The following RANGAP1 variants were observed in gnomAD, a reference collection of about 807,000 sequenced individuals.
RANGAP1 encodes Ran GTPase activating protein 1.
In RANGAP1, 38 loss-of-function variants were observed where a neutral mutation model predicts 63.5. The observed-to-expected ratio is 0.60, with a 90% CI of 0.46 to 0.78. RANGAP1 has a LOEUF of 0.78. Ranked by LOEUF, RANGAP1 falls within the 30% of genes least tolerant of loss-of-function variation. The probability of loss-of-function intolerance (pLI) is 0.00; values close to 1 mark genes in which losing one functional copy is unlikely to be tolerated. For synonymous variants in RANGAP1, 329 were observed against 310.5 expected (o/e 1.06, Z -0.63); for missense variants, 630 against 740.3 (o/e 0.85, Z 1.73).
rs925084084 is a variant in RANGAP1 at position 41,256,979 on chromosome 22, C to T, written c.775-155G>A. ...GCTTTGCCGTCTTCTACTTGTTGGC[C>T]TCTGGGCCCCTGGCCAAACCTCCTC... On this transcript the variant is annotated intron_variant, in intron 7 of 15. Transcript: ENST00000356244. Among the ~76,000 whole-genome samples the T allele has an allele frequency of 1.1e-4, 17 of 151,852 alleles. 2 individuals carry two copies. Among genetic ancestry groups the T allele is most frequent in the Admixed American group, 9.8e-4 (15 of 15,244 alleles).
chr22:41,254,416 C>A lies in RANGAP1; in HGVS notation c.1152G>T (p.Glu384Asp), dbSNP rs762632107. 1.2e-6 allele frequency: 2 copies of A among 1,607,834 alleles called. No homozygotes were observed. The highest frequency in any genetic ancestry group is 2.7e-5 in the African/African-American group (2 of 74,762). Residue 384 changes from glutamate (E) to aspartate (D), a missense_variant, in exon 11 of 16, where the codon GAG (glutamate) becomes GAT (aspartate). Physicochemically the swap from Glu to Asp is conservative, Grantham distance 45 (BLOSUM62 2). Around this residue, in one of 3 missense-constraint regions of RANGAP1, gnomAD observed 428 missense variants for 465.5 expected, o/e 0.92. Coordinates refer to ENST00000356244, the MANE Select transcript of RANGAP1 (RefSeq NM_002883.4). ...EEAEEEEEED[E>D]EEEEEEEEEE... ...CCTCCTCCTCTTCTTCCTCCTCTTC[C>A]TCATCTTCCTCCTCCTCTTCTTCTG...
chr22:41,286,473 G>A (rs1207406844), upstream of RANGAP1, among the ~76,000 whole-genome samples: 1 of 152,232 alleles, frequency 6.6e-6, no homozygotes, highest in Admixed American at 6.5e-5. Flanking sequence ...GGAGCGCCCA[G>A]AGACTACAAT....
At chr22:41,297,613 G>C in the RANGAP1 span, among the ~76,000 whole-genome samples, 1 of 149,020 alleles carries the variant, frequency 6.7e-6, no homozygotes, top group Non-Finnish European at 1.5e-5. Context: ...TTGGCTCAAG[G>C]ATCCTCCGCT....
chr22:41,281,652 A>G lies in RANGAP1; in HGVS notation c.-38-570T>C, dbSNP rs192493436. On this transcript the variant is annotated intron_variant, in intron 1 of 15. Coordinates refer to ENST00000356244, the MANE Select transcript of RANGAP1 (RefSeq NM_002883.4). ...TGGCCGGGAGACTGGGCAGGCCACA[A>G]TGGCCCCTCAGGGGTTTCTAGATCA... 6.0e-5 allele frequency: 59 copies of G among 986,774 alleles called. 1 individual carries two copies. The highest frequency in any genetic ancestry group is 1.2e-4 in the Admixed American group (2 of 16,418). 61.1% of individuals were successfully genotyped at this position (986,774 alleles called of 1,614,324 possible).
At chr22:41,294,579 C>T in the RANGAP1 span, among the ~76,000 whole-genome samples, 1 of 146,288 alleles carries the variant, frequency 6.8e-6, no homozygotes, top group Non-Finnish European at 1.5e-5. Context: ...GCGTCTCTGC[C>T]CAGCCGCCAT....
upstream of RANGAP1, among the ~76,000 whole-genome samples, chr22:41,290,271 C>T (rs2035824639): frequency 6.7e-6 from 1 of 150,202 alleles, no homozygotes; most frequent in Non-Finnish European, 1.5e-5. Flanking sequence ...ACTCTGTCAC[C>T]CAGGCTGGAG....
intron 4 of RANGAP1, among the ~76,000 whole-genome samples, chr22:41,266,038 T>C (rs576556322): frequency 6.6e-6 from 1 of 152,120 alleles, no homozygotes; most frequent in African/African-American, 2.4e-5. Flanking sequence ...CCATCTCTAC[T>C]AAAAATACAA....
the RANGAP1 span, among the ~76,000 whole-genome samples, chr22:41,298,133 C>A: frequency 6.6e-6 from 1 of 151,802 alleles, no homozygotes. Context: ...GCTGGGATTA[C>A]AGGCATGAGC....
chr22:41,279,133 A>G (rs1664589889), intron 2 of RANGAP1, among the ~76,000 whole-genome samples: 1 of 151,794 alleles, frequency 6.6e-6, no homozygotes, highest in Non-Finnish European at 1.5e-5. Context: ...ACAGAGCGAG[A>G]CTCCGTCTCA....
At chr22:41,275,757 C>A (rs962308391) in intron 2 of RANGAP1, among the ~76,000 whole-genome samples, 1 of 149,776 alleles carries the variant, frequency 6.7e-6, no homozygotes, top group South Asian at 2.1e-4. Flanking sequence ...CTAGCCTGGG[C>A]GACACAGTGA....
At chr22:41,287,690 T>TA (rs1263180632), upstream of RANGAP1, among the ~76,000 whole-genome samples, 2 of 150,838 alleles carry the variant, frequency 1.3e-5, no homozygotes, top group Non-Finnish European at 3.0e-5. Flanking sequence ...AAAAAAAAGT[T>TA]AAACAGATCA....
In RANGAP1 at chr22:41,261,683, C is replaced by T. The variant is rs577786034; in HGVS notation, c.481-103G>A. 6.0e-5 allele frequency: 87 copies of T among 1,450,576 alleles called. No individual in the cohort carries two copies. The East Asian group carries it at 1.5e-3, about 25-fold the overall frequency. 89.9% of individuals were successfully genotyped at this position (1,450,576 alleles called of 1,614,324 possible). ...CTCTTCAACATCCCACGCCACCCAT[C>T]GGTGCAGGTCAGGGGACGCAGGACT... On this transcript the variant is annotated intron_variant, in intron 5 of 15. Transcript: ENST00000356244.
intron 11 of RANGAP1, among the ~76,000 whole-genome samples, chr22:41,253,205 G>A (rs554067815): frequency 5.3e-5 from 8 of 152,142 alleles, no homozygotes; most frequent in Non-Finnish European, 1.2e-4. Context: ...GGAGCCTTTG[G>A]GGTGAGGGGG....
chr22:41,251,864 G>A (rs890691488), intron 12 of RANGAP1, among the ~76,000 whole-genome samples: 1 of 152,162 alleles, frequency 6.6e-6, no homozygotes, highest in Non-Finnish European at 1.5e-5. Context: ...GATGAATGGT[G>A]CTACACCAAA....
upstream of RANGAP1, among the ~76,000 whole-genome samples, chr22:41,290,852 G>C (rs1443546238): frequency 1.3e-5 from 2 of 152,212 alleles, no homozygotes; most frequent in Non-Finnish European, 2.9e-5. Context: ...AAAAACAAAT[G>C]GCTAAAGTAT....
At chr22:41,298,640 C>T in the RANGAP1 span, among the ~76,000 whole-genome samples, 10 of 152,082 alleles carry the variant, frequency 6.6e-5, no homozygotes, top group African/African-American at 2.2e-4. Context: ...GCTGGGATTA[C>T]GGGCATTAGC....
the RANGAP1 span, among the ~76,000 whole-genome samples, chr22:41,300,428 T>TCACACACACACACACACACA: frequency 8.3e-5 from 3 of 36,278 alleles, no homozygotes; most frequent in East Asian, 5.8e-4. Flanking sequence ...TATTGGGAAC[T>TCACACACACACACACACACA]CACACACACA....
intron 4 of RANGAP1, 84 bp downstream of exon 4, chr22:41,268,013 A>G: frequency 7.2e-7 from 1 of 1,379,642 alleles, no homozygotes; most frequent in East Asian, 2.5e-5. Flanking sequence ...CTTAGGCTCC[A>G]GAAAGAATAA....
rs187364293 is a variant in RANGAP1, at chr22:41,248,452, G to A, written c.1694+878C>T. ...CTGGAGGCCAGCGGGGGCCGCTCAC[G>A]CTCCGCCAGCCCCGCCTCCCCACAT... On this transcript the variant is annotated intron_variant, in intron 15 of 15. Transcript: ENST00000356244. Among the ~76,000 whole-genome samples, 776 of 152,330 alleles carry A rather than the reference G, an allele frequency of 5.1e-3. 6 individuals are homozygous for A. The highest frequency in any genetic ancestry group is 8.3e-3 in the Non-Finnish European group (562 of 68,006).
Sources: gnomAD v4.1 joint callset for allele counts (sites outside exome capture counted in the v4.1 genomes callset) on GRCh38, gnomAD v4.1.1 for gene constraint, gnomAD v4.1.1 regional missense constraint, MANE v1.5 for transcripts, NCBI Gene and HGNC (gene_info 2026-07-23, HGNC 2026-07-21) for gene names.